The following ABCB4 variants were observed in gnomAD, a reference collection of about 807,000 sequenced individuals.
ABCB4 encodes ATP binding cassette subfamily B member 4.
Under a neutral mutation model 145.7 loss-of-function variants are expected in ABCB4, and 76 were observed. The observed-to-expected ratio is 0.52, with a 90% CI of 0.43 to 0.63. The LOEUF is 0.63. Among genes scored for constraint, ABCB4 ranks in the 30% least tolerant of loss-of-function variants. The pLI is 0.00. For missense variants in ABCB4, 1,234 were observed against 1,553.1 expected (o/e 0.79, Z 3.45); for synonymous variants, 517 against 566.8 (o/e 0.91, Z 1.25).
chr7:87,431,513 C>T lies in ABCB4; in HGVS notation c.1784G>A (p.Arg595Gln), dbSNP rs144398632. 5.5e-5 allele frequency: 89 copies of T among 1,614,002 alleles called. No homozygotes were observed. Among genetic ancestry groups the T allele is most frequent in the African/African-American group, 5.3e-4 (40 of 74,916 alleles). The part of the protein sequence containing the change: ...IVIAHRLSTV[R>Q]NADVIAGFED... ...AAACCCAGCGATGACATCTGCATTT[C>T]GGACCGTAGACAGTCGGTGTGCTAT... The change falls in exon 15 of 28, where the codon CGA (arginine) becomes CAA (glutamine). Residue 595 changes from arginine (R) to glutamine (Q), a missense_variant. Transcript: ENST00000649586.
intron 12 of ABCB4, 77 bp downstream of exon 12, chr7:87,443,242 G>T: frequency 6.3e-7 from 1 of 1,591,710 alleles, no homozygotes. Context: ...ACGCAAATTT[G>T]TTACTGAAAA....
intron 18 of ABCB4, 43 bp downstream of exon 18, chr7:87,422,078 T>G: frequency 1.5e-6 from 2 of 1,366,220 alleles, no homozygotes; most frequent in Non-Finnish European, 2.1e-6. Flanking sequence ...TTTCTCTAAT[T>G]AAATTATAAA....
At chr7:87,421,477 T>C (rs1337061348) in intron 18 of ABCB4, among the ~76,000 whole-genome samples, 3 of 152,212 alleles carry the variant, frequency 2.0e-5, no homozygotes, top group Non-Finnish European at 2.9e-5. Flanking sequence ...CAATGATTTC[T>C]AAATAAAAAA....
At chr7:87,369,263 A>G in the ABCB4 span, 4 of 635,096 alleles carry the variant, frequency 6.3e-6, no homozygotes, top group African/African-American at 3.7e-5. Flanking sequence ...TTTGATGACT[A>G]TATGATAAAT....
intron 27 of ABCB4, among the ~76,000 whole-genome samples, chr7:87,402,717 A>G (rs1807882270): frequency 6.6e-6 from 1 of 152,188 alleles, no homozygotes; most frequent in African/African-American, 2.4e-5. Context: ...AATAACCACT[A>G]TCAGCCGGGC....
chr7:87,471,488 C>G (rs1170672405), intron 3 of ABCB4, among the ~76,000 whole-genome samples: 7 of 151,984 alleles, frequency 4.6e-5, no homozygotes. Flanking sequence ...CTTACTGAGG[C>G]TTTTTAAACA....
intron 16 of ABCB4, among the ~76,000 whole-genome samples, chr7:87,426,300 C>T (rs1193368233): frequency 6.6e-6 from 1 of 152,120 alleles, no homozygotes; most frequent in Admixed American, 6.5e-5. Context: ...TGTTCTAGCC[C>T]TGGGTTTTTC....
rs367709575 is a variant in ABCB4 at position 87,426,844 on chromosome 7, C to A, written c.1970G>T (p.Gly657Val). ...ATGCCTAAATAGGCGAGATTTCCAGCCATTTGGGGCCATTCTAGTGGCAGC... is the reference window on the plus strand; with the variant it reads ...ATGCCTAAATAGGCGAGATTTCCAGACATTTGGGGCCATTCTAGTGGCAGC... Reference protein sequence around the residue: ...EKAATRMAPNGWKSRLFRHST... With the variant: ...EKAATRMAPNVWKSRLFRHST... The change falls in exon 16 of 28, where the codon GGC becomes GTC. Residue 657 changes from glycine to valine, a missense_variant. This residue lies in a region of ABCB4 where 321 missense variants were observed against 332.6 expected (regional missense o/e 0.97). Coordinates refer to ENST00000649586, the MANE Select transcript of ABCB4 (RefSeq NM_000443.4). The A allele has an allele frequency of 3.7e-6, 6 of 1,613,780 alleles. No individual in the cohort carries two copies. The highest frequency in any genetic ancestry group is 4.2e-6 in the Non-Finnish European group (5 of 1,179,956).
chr7:87,472,201 G>C (rs1234621680), intron 3 of ABCB4, among the ~76,000 whole-genome samples: 1 of 151,972 alleles, frequency 6.6e-6, no homozygotes, highest in Non-Finnish European at 1.5e-5. Flanking sequence ...ACAATTTATT[G>C]CTGTCTGCAG....
At chr7:87,403,083 T>C (rs1302016409) in intron 27 of ABCB4, 52 bp downstream of exon 27, 2 of 1,596,896 alleles carry the variant, frequency 1.3e-6, no homozygotes, top group Non-Finnish European at 8.6e-7. Flanking sequence ...GACAGCAAAA[T>C]CCCTTCTATT....
chr7:87,380,992 G>A, the ABCB4 span, among the ~76,000 whole-genome samples: 3 of 152,146 alleles, frequency 2.0e-5, no homozygotes, highest in East Asian at 5.8e-4. Flanking sequence ...TGATGTAGTT[G>A]TTGCCTGGTT....
intron 16 of ABCB4, among the ~76,000 whole-genome samples, chr7:87,425,785 A>ACAATCAGTTGAGCC (rs1809762781): frequency 6.6e-6 from 1 of 152,106 alleles, no homozygotes; most frequent in African/African-American, 2.4e-5. Context: ...CTGAAGTGGG[A>ACAATCAGTTGAGCC]CAATCAGTTG....
intron 25 of ABCB4, 93 bp downstream of exon 25, chr7:87,407,943 AG>A (rs1210555576): frequency 1.3e-6 from 2 of 1,508,514 alleles, no homozygotes; most frequent in Non-Finnish European, 1.8e-6. Context: ...ACAGGATTCT[AG>A]GTCTACATTT....
chr7:87,398,493 G>A (rs373850279), downstream of ABCB4: 1 of 1,611,550 alleles, frequency 6.2e-7, no homozygotes, highest in African/African-American at 1.3e-5. Flanking sequence ...AGCCTTTTGT[G>A]TAATCATTAA....
chr7:87,391,575 A>AT, the ABCB4 span: 2 of 1,583,414 alleles, frequency 1.3e-6, no homozygotes, highest in Admixed American at 2.0e-5. Context: ...CACTCTTTTA[A>AT]TTTTTTCTTG....
At chr7:87,436,897 G>C (rs959254892) in intron 14 of ABCB4, among the ~76,000 whole-genome samples, 2 of 152,130 alleles carry the variant, frequency 1.3e-5, no homozygotes, top group Middle Eastern at 3.2e-3. Flanking sequence ...CTTTTTCATA[G>C]GTCTGTGGGT....
chr7:87,460,785 G>C lies in ABCB4; in HGVS notation c.286+1973C>G, dbSNP rs962975184. On this transcript the variant is annotated intron_variant, in intron 4 of 27. Coordinates refer to ENST00000649586, the MANE Select transcript of ABCB4 (RefSeq NM_000443.4). ...CCAGCCTCAGCTTCCCAAGTAGCTG[G>C]TGATTTCGTATTTTTTATAGGTGTG... 2.0e-5 allele frequency among the ~76,000 whole-genome samples: 3 copies of C among 151,930 alleles called. No individual in the cohort carries two copies. The South Asian group carries it at 6.2e-4, about 32-fold the overall frequency.
At chr7:87,407,396 T>C (rs1808276669) in intron 25 of ABCB4, among the ~76,000 whole-genome samples, 1 of 152,162 alleles carries the variant, frequency 6.6e-6, no homozygotes, top group South Asian at 2.1e-4. Context: ...GCTTAACAAC[T>C]ATTAATAAAA....
At chr7:87,459,876 C>T (rs1380534818) in intron 4 of ABCB4, among the ~76,000 whole-genome samples, 1 of 152,172 alleles carries the variant, frequency 6.6e-6, no homozygotes, top group Non-Finnish European at 1.5e-5. Flanking sequence ...CAAAAATATT[C>T]CATTGGTGCT....
Sources: gnomAD v4.1 joint callset for allele counts (sites outside exome capture counted in the v4.1 genomes callset) on GRCh38, gnomAD v4.1.1 for gene constraint, gnomAD v4.1.1 regional missense constraint, MANE v1.5 for transcripts, NCBI Gene and HGNC (gene_info 2026-07-23, HGNC 2026-07-21) for gene names.